TBC1D32: variants seen among roughly 807,000 people sequenced by gnomAD.
The protein encoded by TBC1D32 is TBC1 domain family member 32, also known as protein broad-minded.
TBC1D32 carries 151 observed loss-of-function variants against 170.3 expected under a neutral mutation model. The observed-to-expected ratio is 0.89, with a 90% CI of 0.78 to 1.01. The LOEUF (loss-of-function observed/expected upper bound fraction) is 1.01. TBC1D32 is among the 50% of genes least tolerant of loss of function. The probability of loss-of-function intolerance (pLI) is 0.00; values close to 1 mark genes in which losing one functional copy is unlikely to be tolerated. For missense variants in TBC1D32, 1,464 were observed against 1,457.1 expected (o/e 1.00, Z -0.08); for synonymous variants, 498 against 488.0 (o/e 1.02, Z -0.27).
intron 20 of TBC1D32, among the ~76,000 whole-genome samples, chr6:121,236,465 G>A (rs972834888): frequency 1.3e-5 from 2 of 151,964 alleles, no homozygotes; most frequent in South Asian, 2.1e-4. Context: ...GTTATATATC[G>A]AAACTACATA....
intron 27 of TBC1D32, among the ~76,000 whole-genome samples, 191 bp downstream of exon 27, chr6:121,114,981 A>G (rs1779550485): frequency 6.6e-6 from 1 of 152,192 alleles, no homozygotes; most frequent in Non-Finnish European, 1.5e-5. Context: ...ATGAACTGTA[A>G]CTGATTTACC....
At chr6:121,301,279 T>C (rs1413047064) in intron 9 of TBC1D32, among the ~76,000 whole-genome samples, 3 of 152,160 alleles carry the variant, frequency 2.0e-5, no homozygotes, top group African/African-American at 7.2e-5. Flanking sequence ...AGTATAGACT[T>C]GGAACCAACC....
At chr6:121,214,997 C>CA (rs1210275643) in intron 21 of TBC1D32, among the ~76,000 whole-genome samples, 2 of 152,200 alleles carry the variant, frequency 1.3e-5, no homozygotes, top group Non-Finnish European at 2.9e-5. Flanking sequence ...AGAAGACCCA[C>CA]AATGTATATC....
chr6:121,319,670 C>T (rs1244810385), intron 2 of TBC1D32, among the ~76,000 whole-genome samples: 2 of 152,104 alleles, frequency 1.3e-5, no homozygotes, highest in Admixed American at 1.3e-4. Context: ...CTATAAGTTT[C>T]GCTTTGAACA....
chr6:121,286,649 G>A (rs1362481106), intron 12 of TBC1D32, among the ~76,000 whole-genome samples: 2 of 152,088 alleles, frequency 1.3e-5, no homozygotes, highest in East Asian at 3.9e-4. Flanking sequence ...GAAATACAGA[G>A]AACGCCACAA....
chr6:121,279,113 G>C lies in TBC1D32; in HGVS notation c.1733+8C>G, dbSNP rs375839994. ...GGAATAATTATCCGGATTTAAAATAGCACATACCTTTCTTCAGAAGAGTTC... is the reference window on the plus strand; with the variant it reads ...GGAATAATTATCCGGATTTAAAATACCACATACCTTTCTTCAGAAGAGTTC... On this transcript the variant is annotated splice_region_variant and intron_variant, in intron 15 of 31. Coordinates refer to ENST00000398212, the MANE Select transcript of TBC1D32 (RefSeq NM_152730.6). 23 of 1,588,098 alleles carry C rather than the reference G, an allele frequency of 1.4e-5. No individual in the cohort carries two copies. The highest frequency in any genetic ancestry group is 2.0e-5 in the Non-Finnish European group (23 of 1,173,382).
At chr6:121,313,956 T>C (rs978047465) in intron 3 of TBC1D32, among the ~76,000 whole-genome samples, 7 of 152,028 alleles carry the variant, frequency 4.6e-5, no homozygotes, top group South Asian at 4.1e-4. Context: ...TGAAGACTAA[T>C]AGCATAAAAT....
At chr6:121,142,952 T>C (rs1348798459) in intron 24 of TBC1D32, among the ~76,000 whole-genome samples, 1 of 152,210 alleles carries the variant, frequency 6.6e-6, no homozygotes, top group Admixed American at 6.5e-5. Context: ...TACTTGCTTT[T>C]GACCATAGTA....
At chr6:121,156,976 T>C (rs1193062511) in intron 24 of TBC1D32, among the ~76,000 whole-genome samples, 1 of 152,094 alleles carries the variant, frequency 6.6e-6, no homozygotes. Flanking sequence ...CAAGAATGTA[T>C]ATTCTATCAT....
intron 5 of TBC1D32, among the ~76,000 whole-genome samples, chr6:121,306,776 C>G (rs1327127393): frequency 6.6e-6 from 1 of 152,032 alleles, no homozygotes; most frequent in Non-Finnish European, 1.5e-5. Flanking sequence ...ATATGCAAAC[C>G]AATTTTTAAA....
At chr6:121,193,347 A>C (rs1392486614) in intron 22 of TBC1D32, among the ~76,000 whole-genome samples, 1 of 152,186 alleles carries the variant, frequency 6.6e-6, no homozygotes, top group East Asian at 1.9e-4. Context: ...CCAACATCTT[A>C]GGGAGACTGA....
At chr6:121,111,152 C>T (rs1360859646) in intron 29 of TBC1D32, among the ~76,000 whole-genome samples, 1 of 152,108 alleles carries the variant, frequency 6.6e-6, no homozygotes, top group Non-Finnish European at 1.5e-5. Context: ...CTGCTGGAGT[C>T]CTGCTTGTTT....
intron 22 of TBC1D32, among the ~76,000 whole-genome samples, chr6:121,182,589 A>AT (rs1025539497): frequency 3.3e-5 from 5 of 152,228 alleles, no homozygotes; most frequent in Admixed American, 6.6e-5. Context: ...ACATAGAAGG[A>AT]AACAGCACTT....
intron 15 of TBC1D32, among the ~76,000 whole-genome samples, chr6:121,266,932 G>A (rs938583982): frequency 6.6e-6 from 1 of 151,882 alleles, no homozygotes. Context: ...GCAAGGGGAG[G>A]GAGAGTGTCA....
Position 121,225,080 on chromosome 6 carries a change from T to A in TBC1D32, c.2365-1728A>T, listed in dbSNP as rs577060168. ...GCACTATAGAAAAGGAAGAAAAAAA[T>A]TGCCAAGGAAAGAATGTTTAAGAAA... On this transcript the variant is annotated intron_variant, in intron 20 of 31. Transcript: ENST00000398212. 2.9e-4 allele frequency among the ~76,000 whole-genome samples: 44 copies of A among 151,862 alleles called. 2 individuals carry two copies. The highest frequency in any genetic ancestry group is 1.1e-3 in the African/African-American group (44 of 41,458).
intron 20 of TBC1D32, among the ~76,000 whole-genome samples, chr6:121,232,761 T>C (rs190811859): frequency 6.6e-6 from 1 of 152,104 alleles, no homozygotes; most frequent in East Asian, 1.9e-4. Context: ...TCCTGCTGGG[T>C]TTGGTTTTGG....
intron 16 of TBC1D32, 61 bp from the exon 17 acceptor site, chr6:121,255,471 T>A: frequency 2.7e-6 from 1 of 371,850 alleles, no homozygotes; most frequent in Non-Finnish European, 4.4e-6. Context: ...TATTTATATT[T>A]TATAATTATA....
At chr6:121,256,907 G>A (rs1435938698) in intron 15 of TBC1D32, among the ~76,000 whole-genome samples, 2 of 152,106 alleles carry the variant, frequency 1.3e-5, no homozygotes, top group East Asian at 3.9e-4. Context: ...CCTGACCTCA[G>A]GTGATAAACC....
intron 22 of TBC1D32, among the ~76,000 whole-genome samples, chr6:121,171,914 C>T (rs948139385): frequency 6.6e-6 from 1 of 152,002 alleles, no homozygotes; most frequent in African/African-American, 2.4e-5. Flanking sequence ...ACCAATCTTC[C>T]AGTAACACTG....
Sources: gnomAD v4.1 joint callset for allele counts (sites outside exome capture counted in the v4.1 genomes callset) on GRCh38, gnomAD v4.1.1 for gene constraint, MANE v1.5 for transcripts, NCBI Gene and HGNC (gene_info 2026-07-23, HGNC 2026-07-21) for gene names.